SMARCD1: variants seen among roughly 807,000 people sequenced by gnomAD.
SMARCD1 encodes the protein SWI/SNF-related matrix-associated actin-dependent regulator of chromatin subfamily D member 1.
A neutral mutation model predicts 70.8 loss-of-function variants in SMARCD1; 16 were observed. That is an observed-to-expected ratio of 0.23 (90% CI 0.15 to 0.34). SMARCD1 has a LOEUF of 0.34. Among genes scored for constraint, SMARCD1 ranks in the 10% least tolerant of loss-of-function variants. The pLI is 1.00. For missense variants in SMARCD1, 409 were observed against 655.5 expected (o/e 0.62, Z 4.11); for synonymous variants, 249 against 246.0 (o/e 1.01, Z -0.11).
At position 50,090,541 on chromosome 12, in the gene SMARCD1, C is replaced by T. The variant is rs202030504; in HGVS notation, c.1084C>T (p.His362Tyr). 6.2e-7 allele frequency: 1 copy of T among 1,614,130 alleles called. No individual in the cohort carries two copies. The highest frequency in any genetic ancestry group is 1.3e-5 in the African/African-American group (1 of 75,034). ...GTTTTCAGAGATCCCTCAGCGGCTC[C>T]ATGCCTTGCTTATGCCACCAGAACC... ...MKFSEIPQRL[H>Y]ALLMPPEPII... Residue 362 changes from histidine to tyrosine, a missense_variant, in exon 9 of 13, where the codon CAT becomes TAT. By Grantham distance (83) the His-to-Tyr change is moderately conservative. Coordinates refer to ENST00000394963, the MANE Select transcript of SMARCD1 (RefSeq NM_003076.5).
At position 50,097,231 on chromosome 12, in the gene SMARCD1, A is replaced by T. The variant is rs181364743; in HGVS notation, c.1392+259A>T. Among the ~76,000 whole-genome samples, 188 of 152,332 alleles carry T rather than the reference A, an allele frequency of 1.2e-3. 1 individual carries two copies. Among genetic ancestry groups the T allele is most frequent in the African/African-American group, 4.4e-3 (182 of 41,586 alleles). The stretch of plus-strand genomic sequence containing the variant: ...TGGAAGACCTGATCTCTGCTTTCAA[A>T]GCAGCCTACATTCTGTCTGAAGAAA... On this transcript the variant is annotated intron_variant, in intron 11 of 12. Transcript: ENST00000394963.
Position 50,098,959 on chromosome 12 carries a change from C to A in SMARCD1, c.1507C>A (p.Arg503=), listed in dbSNP as rs372368908. 4 of 1,613,976 alleles carry A rather than the reference C, an allele frequency of 2.5e-6. No homozygotes were observed. Among genetic ancestry groups the A allele is most frequent in the Admixed American group, 1.7e-5 (1 of 60,004 alleles). The change falls in exon 13 of 13, where the codon CGA becomes AGA. Residue 503 remains arginine, a synonymous_variant. Coordinates refer to ENST00000394963, the MANE Select transcript of SMARCD1 (RefSeq NM_003076.5). ...RYFYSKVQQR[R]QELEQALGIR... ...ATTTTCTCCTTAGGTGCAGCAGAGA[C>A]GACAAGAATTAGAGCAAGCCCTGGG... is the stretch of plus-strand genomic sequence containing the variant.
At position 50,098,832 on chromosome 12, in the gene SMARCD1, C is replaced by T; in HGVS notation, c.1494+17C>T. The T allele has an allele frequency of 6.2e-7, 1 of 1,609,384 alleles. No individual in the cohort carries two copies. Among genetic ancestry groups the T allele is most frequent in the Non-Finnish European group, 8.5e-7 (1 of 1,175,644 alleles). On this transcript the variant is annotated intron_variant, in intron 12 of 12. Coordinates refer to ENST00000394963, the MANE Select transcript of SMARCD1 (RefSeq NM_003076.5). ...TACTCCAAGGTAAGTACATGGGGTG[C>T]ACGGGGGAAATTGACAAAAGGCACG...
chr12:50,088,421 GT>G (rs1950811708), intron 5 of SMARCD1, 99 bp from the exon 6 acceptor site: 2 of 721,214 alleles, frequency 2.8e-6, no homozygotes, highest in South Asian at 3.3e-5. Flanking sequence ...TATTTTTTGA[GT>G]TTTTTTCCAT....
intron 11 of SMARCD1, 166 bp from the exon 12 acceptor site, chr12:50,098,548 C>T: frequency 3.3e-6 from 2 of 612,242 alleles, no homozygotes; most frequent in East Asian, 2.7e-5. Flanking sequence ...ACTTGAGCAT[C>T]TGTAGAGACC....
chr12:50,098,708 C>T lies in SMARCD1; in HGVS notation c.1393-6C>T, dbSNP rs751012302. 6.2e-7 allele frequency: 1 copy of T among 1,610,514 alleles called. No homozygotes were observed. Among genetic ancestry groups the T allele is most frequent in the Non-Finnish European group, 8.5e-7 (1 of 1,176,722 alleles). On this transcript the variant is annotated splice_region_variant and splice_polypyrimidine_tract_variant and intron_variant, in intron 11 of 12. Transcript: ENST00000394963. The stretch of plus-strand genomic sequence containing the variant: ...TTCCTCCACCCTGCATCTCCATTTC[C>T]CTCAGACAATGACTGATGTGGTGGG...
At chr12:50,087,844 T>G (rs1394540050) in intron 5 of SMARCD1, among the ~76,000 whole-genome samples, 5 of 152,096 alleles carry the variant, frequency 3.3e-5, no homozygotes, top group African/African-American at 1.2e-4. Flanking sequence ...CCTTGTGGTA[T>G]CTCCATCTTC....
Position 50,086,672 on chromosome 12 carries a change from A to G in SMARCD1, c.408+9A>G, listed in dbSNP as rs753836923. The G allele has an allele frequency of 1.1e-5, 17 of 1,614,084 alleles. No individual in the cohort carries two copies. The South Asian group carries it at 1.8e-4, about 17-fold the overall frequency. ...AAATTCTACCTCAAAGGGTGAGTCC[A>G]GGCTATATGTCTTCTGGAAAGTGTG... is the stretch of plus-strand genomic sequence containing the variant. On this transcript the variant is annotated intron_variant, in intron 3 of 12. Transcript: ENST00000394963.
intron 1 of SMARCD1, 172 bp downstream of exon 1, chr12:50,085,718 C>T (rs749508764): frequency 8.2e-6 from 4 of 487,856 alleles, no homozygotes; most frequent in Admixed American, 4.4e-5. Flanking sequence ...AGTTACACAC[C>T]TGCTCCTAGG....
At chr12:50,087,187 T>G (rs1950799582) in intron 4 of SMARCD1, among the ~76,000 whole-genome samples, 176 bp from the exon 5 acceptor site, 1 of 152,228 alleles carries the variant, frequency 6.6e-6, no homozygotes, top group African/African-American at 2.4e-5. Context: ...TATGCACTTG[T>G]ACTTAGGCTG....
Position 50,100,435 on chromosome 12 carries a change from C to T in SMARCD1, c.*1435C>T, listed in dbSNP as rs571130250. The T allele has an allele frequency of 6.6e-6, 1 of 152,600 alleles. No homozygotes were observed. Among genetic ancestry groups the T allele is most frequent in the Non-Finnish European group, 1.5e-5 (1 of 68,064 alleles). 9.5% of individuals were successfully genotyped at this position (152,600 alleles called of 1,614,324 possible). A position where few individuals can be genotyped will look rare whatever the true frequency, so the allele number is the denominator to read the frequency against. The stretch of plus-strand genomic sequence containing the variant: ...CTTCCCCTTCCTGCCATTTTCCCTC[C>T]CTTGAAAGGTTGACACTGGACAACC... On this transcript the variant is annotated 3_prime_UTR_variant, in exon 13 of 13. Transcript: ENST00000394963.
Position 50,086,207 on chromosome 12 carries a change from C to G in SMARCD1, c.224C>G (p.Ser75Cys). Residue 75 changes from serine to cysteine, a missense_variant, in exon 2 of 13, where the codon TCC (serine) becomes TGC (cysteine). By Grantham distance (112) the Ser-to-Cys change is moderately radical. Transcript: ENST00000394963. The stretch of plus-strand genomic sequence containing the variant: ...AGCCGAATGACACCTCAGGGACCTT[C>G]CATGGGACCCCCTGGCTATGGGGGG... ...PGSRMTPQGPSMGPPGYGGNP... is the reference protein window; with the variant it reads ...PGSRMTPQGPCMGPPGYGGNP... 1 of 1,604,730 alleles carries G rather than the reference C, an allele frequency of 6.2e-7. No individual in the cohort carries two copies. The highest frequency in any genetic ancestry group is 8.5e-7 in the Non-Finnish European group (1 of 1,174,680).
rs773153909 is a variant in SMARCD1 at position 50,100,276 on chromosome 12, T to C, written c.*1276T>C. Reference sequence around the variant, plus strand: ...GCTGGGCACAAAGGGGGAATTCCGTTCAGCATGGGCTCTAAACCCACAGAA... The same window carrying C: ...GCTGGGCACAAAGGGGGAATTCCGTCCAGCATGGGCTCTAAACCCACAGAA... On this transcript the variant is annotated 3_prime_UTR_variant, in exon 13 of 13. Transcript: ENST00000394963. The C allele has an allele frequency of 1.3e-5, 2 of 152,576 alleles. No homozygotes were observed. The highest frequency in any genetic ancestry group is 2.9e-5 in the Non-Finnish European group (2 of 68,068). The allele number at this position is 152,576 out of a possible 1,614,324, so 9.5% of individuals were successfully genotyped here.
intron 10 of SMARCD1, among the ~76,000 whole-genome samples, chr12:50,095,372 G>C (rs1464476031): frequency 6.6e-6 from 1 of 151,928 alleles, no homozygotes; most frequent in Non-Finnish European, 1.5e-5. Flanking sequence ...TGCCGCTCAG[G>C]CTGGAGTGCA....
rs1477413511 is a variant in SMARCD1, at chr12:50,100,006, A to C, written c.*1006A>C. The C allele has an allele frequency of 2.6e-5, 4 of 152,568 alleles. No individual in the cohort carries two copies. The highest frequency in any genetic ancestry group is 7.3e-5 in the African/African-American group (3 of 41,368). The allele number at this position is 152,568 out of a possible 1,614,324, so 9.5% of individuals were successfully genotyped here. On this transcript the variant is annotated 3_prime_UTR_variant, in exon 13 of 13. Coordinates refer to ENST00000394963, the MANE Select transcript of SMARCD1 (RefSeq NM_003076.5). Reference sequence around the variant, plus strand: ...GGAGTGAAAGCGCCTAGGGCTGGAGAATAGCGCTGAGTTGGGTTTGTGACT... The same window carrying C: ...GGAGTGAAAGCGCCTAGGGCTGGAGCATAGCGCTGAGTTGGGTTTGTGACT...
At chr12:50,086,061 C>G (rs1950785957) in intron 1 of SMARCD1, 100 bp from the exon 2 acceptor site, 1 of 918,322 alleles carries the variant, frequency 1.1e-6, no homozygotes, top group South Asian at 2.6e-5. Context: ...CATCCCTAAA[C>G]CTTACTTCAT....
chr12:50,086,986 A>T (rs942336729), intron 4 of SMARCD1, 108 bp downstream of exon 4: 66 of 1,144,330 alleles, frequency 5.8e-5, no homozygotes, highest in African/African-American at 3.1e-5. Flanking sequence ...TTGGCATTTA[A>T]ATTGCATCTC....
intron 5 of SMARCD1, chr12:50,088,085 C>T (rs904335571): frequency 6.0e-6 from 3 of 501,648 alleles, no homozygotes; most frequent in African/African-American, 4.0e-5. Flanking sequence ...AGAACCAGGG[C>T]TCAGTGTCAG....
At chr12:50,089,517 A>G (rs1950822026) in intron 6 of SMARCD1, 2 of 185,646 alleles carry the variant, frequency 1.1e-5, no homozygotes, top group Middle Eastern at 4.8e-3. Flanking sequence ...AATTGTGCCT[A>G]TCTTGTATAG....
Sources: allele counts gnomAD v4.1 joint callset (sites outside exome capture counted in the v4.1 genomes callset), GRCh38; gene constraint gnomAD v4.1.1; transcripts MANE v1.5; gene names NCBI Gene and HGNC (gene_info 2026-07-23, HGNC 2026-07-21).